The following BICRAL variants were observed in gnomAD, a reference collection of about 807,000 sequenced individuals.
BICRAL encodes BRD4-interacting chromatin-remodeling complex-associated protein-like.
BICRAL carries 8 observed loss-of-function variants against 91.8 expected under a neutral mutation model. That is an observed-to-expected ratio of 0.09 (90% CI 0.05 to 0.16). BICRAL has a LOEUF of 0.16. Among genes scored for constraint, BICRAL ranks in the 10% least tolerant of loss-of-function variants. BICRAL has a pLI of 1.00. For missense variants in BICRAL, 1,038 were observed against 1,310.9 expected (o/e 0.79, Z 3.21); for synonymous variants, 445 against 491.1 (o/e 0.91, Z 1.24).
In BICRAL at chr6:42,864,644, TG is replaced by T; in HGVS notation, c.2453-14del. 6.2e-7 allele frequency: 1 copy of T among 1,606,376 alleles called. No homozygotes were observed. Among genetic ancestry groups the T allele is most frequent in the South Asian group, 1.1e-5 (1 of 90,030 alleles). ...CCCAATCACTCACTAATGTTCTTTTTGTTCCCATTTCCAGAGGGTTTTCAGG... is the reference window on the plus strand; with the variant it reads ...CCCAATCACTCACTAATGTTCTTTTTTTCCCATTTCCAGAGGGTTTTCAGG... On this transcript the variant is annotated splice_polypyrimidine_tract_variant and intron_variant, in intron 12 of 12. Transcript: ENST00000314073.
Position 42,865,349 on chromosome 6 carries a change from A to G in BICRAL, c.3143A>G (p.Glu1048Gly), listed in dbSNP as rs1765682946. Reference protein sequence around the residue: ...FPNFSPMASQENCLEKFIPDH... With the variant: ...FPNFSPMASQGNCLEKFIPDH... ...AACTTTTCTCCTATGGCTTCACAGG[A>G]AAACTGCCTGGAAAAGTTCATCCCG... is the stretch of plus-strand genomic sequence containing the variant. Residue 1048 changes from glutamate (E) to glycine (G), a missense_variant, in exon 13 of 13, where the codon GAA becomes GGA. This residue lies in a region of BICRAL where 92 missense variants were observed against 147.8 expected (regional missense o/e 0.62). Coordinates refer to ENST00000314073, the MANE Select transcript of BICRAL (RefSeq NM_001393499.1). The G allele has an allele frequency of 1.9e-6, 3 of 1,613,778 alleles. No homozygotes were observed. The highest frequency in any genetic ancestry group is 2.7e-5 in the African/African-American group (2 of 74,902).
At chr6:42,748,523 A>G (rs1762327128) in intron 1 of BICRAL, among the ~76,000 whole-genome samples, 1 of 152,228 alleles carries the variant, frequency 6.6e-6, no homozygotes, top group Non-Finnish European at 1.5e-5. Context: ...GGTTTTTGCT[A>G]CAATCCAGTA....
intron 1 of BICRAL, among the ~76,000 whole-genome samples, chr6:42,793,251 C>T (rs1236387452): frequency 2.4e-5 from 3 of 126,218 alleles, no homozygotes; most frequent in East Asian, 5.1e-4. Flanking sequence ...CCATGCCATT[C>T]TCCTGCCTCA....
chr6:42,847,879 C>T (rs906130678), intron 6 of BICRAL, among the ~76,000 whole-genome samples: 8 of 152,144 alleles, frequency 5.3e-5, no homozygotes, highest in African/African-American at 1.9e-4. Context: ...CCTGTAATCC[C>T]AGCACTTTGG....
At chr6:42,849,369 A>G (rs986966820) in intron 6 of BICRAL, among the ~76,000 whole-genome samples, 3 of 152,024 alleles carry the variant, frequency 2.0e-5, no homozygotes, top group Non-Finnish European at 4.4e-5. Flanking sequence ...TACAGGCATG[A>G]GTCACCACAT....
At chr6:42,855,722 G>C in intron 8 of BICRAL, 134 bp from the exon 9 acceptor site, 1 of 645,426 alleles carries the variant, frequency 1.5e-6, no homozygotes, top group East Asian at 2.8e-5. Context: ...TTATTTTTCA[G>C]CAGGGCACAT....
Position 42,829,915 on chromosome 6 carries a change from A to T in BICRAL, c.1582A>T (p.Met528Leu). Residue 528 changes from methionine (M) to leucine (L), a missense_variant, in exon 6 of 13, where the codon ATG (methionine) becomes TTG (leucine). This residue lies in a region of BICRAL where 532 missense variants were observed against 724.9 expected (regional missense o/e 0.73). Transcript: ENST00000314073. ...VSQGRPGFAT[M>L]PSVTSMSGPS... The stretch of plus-strand genomic sequence containing the variant: ...CCAAGGAAGACCTGGCTTCGCCACC[A>T]TGCCATCGGTGACAAGCATGTCAGG... 3 of 1,614,256 alleles carry T rather than the reference A, an allele frequency of 1.9e-6. No homozygotes were observed. In the East Asian group the frequency reaches 6.7e-5, roughly 36 times the overall value.
At chr6:42,822,468 C>G (rs1353568302) in intron 3 of BICRAL, among the ~76,000 whole-genome samples, 1 of 148,678 alleles carries the variant, frequency 6.7e-6, no homozygotes, top group African/African-American at 2.5e-5. Flanking sequence ...AAGCTGGTCT[C>G]CAACTCCTAG....
intron 6 of BICRAL, among the ~76,000 whole-genome samples, chr6:42,844,290 A>G (rs1389657333): frequency 6.0e-5 from 9 of 150,194 alleles, no homozygotes; most frequent in Non-Finnish European, 8.9e-5. Flanking sequence ...CAGGCGGATC[A>G]CGAGGTCAGG....
At chr6:42,816,873 G>C (rs929145955) in intron 2 of BICRAL, among the ~76,000 whole-genome samples, 1 of 151,848 alleles carries the variant, frequency 6.6e-6, no homozygotes, top group African/African-American at 2.4e-5. Context: ...AATTAGCTGG[G>C]CGTGGTGGTG....
intron 1 of BICRAL, among the ~76,000 whole-genome samples, chr6:42,798,876 C>G (rs1237292024): frequency 6.6e-6 from 1 of 152,186 alleles, no homozygotes; most frequent in Admixed American, 6.5e-5. Flanking sequence ...TTTACAATAT[C>G]TAATACAATG....
chr6:42,792,599 T>C (rs1439013168), intron 1 of BICRAL, among the ~76,000 whole-genome samples: 1 of 151,966 alleles, frequency 6.6e-6, no homozygotes, highest in Non-Finnish European at 1.5e-5. Flanking sequence ...CTGAGACTTT[T>C]TAGAAGTGCA....
At chr6:42,819,653 A>G (rs952144896) in intron 2 of BICRAL, among the ~76,000 whole-genome samples, 1 of 152,196 alleles carries the variant, frequency 6.6e-6, no homozygotes, top group African/African-American at 2.4e-5. Context: ...TTGATGGACC[A>G]TAGGTCATCT....
At chr6:42,824,920 T>C (rs1219684197) in intron 5 of BICRAL, among the ~76,000 whole-genome samples, 1 of 152,166 alleles carries the variant, frequency 6.6e-6, no homozygotes. Flanking sequence ...CTCAGGAGTT[T>C]GAGACCAACC....
At chr6:42,814,722 A>C (rs1763935641) in intron 2 of BICRAL, among the ~76,000 whole-genome samples, 3 of 150,840 alleles carry the variant, frequency 2.0e-5, no homozygotes, top group Admixed American at 2.0e-4. Flanking sequence ...ACAGGGTTTC[A>C]CCATGTTGGC....
chr6:42,850,536 GA>G (rs1444202481), intron 6 of BICRAL, among the ~76,000 whole-genome samples: 2 of 150,964 alleles, frequency 1.3e-5, no homozygotes, highest in African/African-American at 4.9e-5. Context: ...AAAAAAACAA[GA>G]AAAAAACTCT....
At chr6:42,819,549 G>C (rs1271823003) in intron 2 of BICRAL, among the ~76,000 whole-genome samples, 2 of 151,984 alleles carry the variant, frequency 1.3e-5, no homozygotes, top group African/African-American at 4.8e-5. Flanking sequence ...GCCTCCCAAA[G>C]TGCTGGGATT....
intron 5 of BICRAL, among the ~76,000 whole-genome samples, chr6:42,826,792 T>TG (rs955759165): frequency 2.2e-4 from 33 of 149,358 alleles, no homozygotes; most frequent in African/African-American, 7.9e-4. Flanking sequence ...CTTGTTTGTT[T>TG]GTTTTTTTTT....
chr6:42,843,537 T>C (rs1448521542), intron 6 of BICRAL, among the ~76,000 whole-genome samples: 1 of 152,118 alleles, frequency 6.6e-6, no homozygotes, highest in African/African-American at 2.4e-5. Flanking sequence ...TTGAGACAAC[T>C]AGGTTAGATA....
Sources: allele counts gnomAD v4.1 joint callset (sites outside exome capture counted in the v4.1 genomes callset), GRCh38; gene constraint gnomAD v4.1.1; regional missense constraint gnomAD v4.1.1; transcripts MANE v1.5; gene names NCBI Gene and HGNC (gene_info 2026-07-23, HGNC 2026-07-21).